The following MCU variants were observed in gnomAD, a reference collection of about 807,000 sequenced individuals.
The protein encoded by MCU is calcium uniporter protein, mitochondrial.
Under a neutral mutation model 45.2 loss-of-function variants are expected in MCU, and 12 were observed. That is an observed-to-expected ratio of 0.27 (90% CI 0.17 to 0.43). MCU has a LOEUF of 0.43. MCU is among the 20% of genes least tolerant of loss of function. MCU has a pLI of 1.00. For missense variants in MCU, 324 were observed against 436.7 expected, an observed-to-expected ratio of 0.74 and a Z score of 2.30; for synonymous variants, 160 against 165.1, an observed-to-expected ratio of 0.97 and a Z score of 0.24.
In MCU at chr10:72,824,372, A is replaced by AT. The variant is rs66765142; in HGVS notation, c.151-9969dup. Among the ~76,000 whole-genome samples the AT allele has an allele frequency of 4.9e-3, 660 of 133,736 alleles. 3 individuals carry two copies. Among genetic ancestry groups the AT allele is most frequent in the East Asian group, 0.012 (42 of 3,536 alleles). The allele number at this position is 133,736 out of a possible 152,430, so 87.7% of individuals were successfully genotyped here. A position where few individuals can be genotyped will look rare whatever the true frequency, so the allele number is the denominator to read the frequency against. ...CCACCACGCCTGGCTAATTTTTTGT[A>AT]TTTTTTTTTTTTTTTTTTGTAGAGA... On this transcript the variant is annotated intron_variant, in intron 1 of 7. Transcript: ENST00000373053.
intron 1 of MCU, among the ~76,000 whole-genome samples, chr10:72,780,738 T>C (rs2132751086): frequency 6.6e-6 from 1 of 152,266 alleles, no homozygotes; most frequent in East Asian, 1.9e-4. Flanking sequence ...AAGGAAAGAC[T>C]TGGAAGAGTG....
intron 4 of MCU, among the ~76,000 whole-genome samples, chr10:72,862,254 T>G (rs1006650041): frequency 1.4e-4 from 21 of 152,188 alleles, no homozygotes; most frequent in Non-Finnish European, 2.8e-4. Context: ...GTGCTGGGAT[T>G]ACAGGCGTGA....
At chr10:72,710,276 A>G (rs1341417345) in intron 1 of MCU, among the ~76,000 whole-genome samples, 1 of 152,126 alleles carries the variant, frequency 6.6e-6, no homozygotes, top group Non-Finnish European at 1.5e-5. Flanking sequence ...GCGCCTGGTT[A>G]ATGGCTTTCT....
At chr10:72,856,585 T>A (rs1382906116) in intron 2 of MCU, among the ~76,000 whole-genome samples, 2 of 152,020 alleles carry the variant, frequency 1.3e-5, no homozygotes, top group Non-Finnish European at 2.9e-5. Flanking sequence ...AGTAGGGATA[T>A]AAATCCTTAG....
chr10:72,843,138 G>T (rs868767209), intron 2 of MCU, among the ~76,000 whole-genome samples: 13 of 152,150 alleles, frequency 8.5e-5, no homozygotes, highest in African/African-American at 3.1e-4. Flanking sequence ...TGATGAGCCT[G>T]CATTGACGCA....
intron 1 of MCU, among the ~76,000 whole-genome samples, chr10:72,754,411 T>G (rs1344202246): frequency 6.6e-6 from 1 of 152,190 alleles, no homozygotes; most frequent in Non-Finnish European, 1.5e-5. Flanking sequence ...TGATCATCAG[T>G]ATTTTCCTCC....
chr10:72,769,375 A>G (rs1405700705), intron 1 of MCU, among the ~76,000 whole-genome samples: 1 of 152,210 alleles, frequency 6.6e-6, no homozygotes, highest in Non-Finnish European at 1.5e-5. Flanking sequence ...AGGTAGATGC[A>G]TCTTGGTTTC....
chr10:72,880,491 A>C (rs546496706), intron 6 of MCU, among the ~76,000 whole-genome samples: 3 of 151,994 alleles, frequency 2.0e-5, no homozygotes, highest in Non-Finnish European at 4.4e-5. Flanking sequence ...GGGGGGGGAA[A>C]CCCTAGAAAT....
chr10:72,757,551 T>TA (rs1214998237), intron 1 of MCU, among the ~76,000 whole-genome samples: 70 of 152,002 alleles, frequency 4.6e-4, no homozygotes, highest in Non-Finnish European at 4.4e-5. Context: ...AGTAGTTTTT[T>TA]AAAAGGCCAT....
intron 6 of MCU, among the ~76,000 whole-genome samples, chr10:72,873,560 T>C (rs1335229462): frequency 5.9e-5 from 9 of 152,208 alleles, no homozygotes. Context: ...GTAGGTTGTC[T>C]CCTCACTCTG....
At chr10:72,766,512 G>GAGCT (rs1843728984) in intron 1 of MCU, 1 of 152,100 alleles carries the variant, frequency 6.6e-6, no homozygotes, top group Non-Finnish European at 1.5e-5. Flanking sequence ...CTGTACCTTA[G>GAGCT]AGCTGCTTGG....
chr10:72,735,962 T>A (rs980832659), intron 1 of MCU, among the ~76,000 whole-genome samples: 1 of 152,236 alleles, frequency 6.6e-6, no homozygotes, highest in Non-Finnish European at 1.5e-5. Context: ...ACTTCTGTAT[T>A]TAATTTTAGT....
intron 1 of MCU, among the ~76,000 whole-genome samples, chr10:72,794,727 C>T (rs1418146285): frequency 1.3e-5 from 2 of 152,202 alleles, no homozygotes; most frequent in East Asian, 1.9e-4. Context: ...TGAGCTCCCT[C>T]TGAGACTACT....
chr10:72,710,162 G>A (rs191395863), intron 1 of MCU, among the ~76,000 whole-genome samples: 12 of 152,158 alleles, frequency 7.9e-5, no homozygotes, highest in Non-Finnish European at 1.5e-5. Flanking sequence ...CTTTTTAGTA[G>A]AGATGGGGTT....
chr10:72,802,965 G>A (rs1055368589), intron 1 of MCU, among the ~76,000 whole-genome samples: 3 of 152,234 alleles, frequency 2.0e-5, no homozygotes, highest in African/African-American at 7.2e-5. Context: ...TGTACCAAAA[G>A]AATTGTATCT....
chr10:72,778,685 T>TA (rs1293485187), intron 1 of MCU, among the ~76,000 whole-genome samples: 2 of 152,264 alleles, frequency 1.3e-5, no homozygotes, highest in East Asian at 1.9e-4. Context: ...CCACAGGCAT[T>TA]AAAAAATATC....
chr10:72,824,150 GGAAGGAAT>G (rs1844756288), intron 1 of MCU, among the ~76,000 whole-genome samples: 1 of 151,702 alleles, frequency 6.6e-6, no homozygotes, highest in Admixed American at 6.6e-5. Flanking sequence ...GATACAATCT[GGAAGGAAT>G]GAAGGAATCT....
intron 1 of MCU, among the ~76,000 whole-genome samples, chr10:72,812,783 G>A (rs1302967681): frequency 6.6e-6 from 1 of 152,146 alleles, no homozygotes. Context: ...ACTGCTTTAT[G>A]TAATGTTTTA....
intron 1 of MCU, among the ~76,000 whole-genome samples, chr10:72,805,844 T>C (rs1844440472): frequency 6.6e-6 from 1 of 152,222 alleles, no homozygotes; most frequent in Non-Finnish European, 1.5e-5. Flanking sequence ...AGAATTTTAA[T>C]TTCATAAGCA....
Sources: allele counts gnomAD v4.1 joint callset (sites outside exome capture counted in the v4.1 genomes callset), GRCh38; gene constraint gnomAD v4.1.1; transcripts MANE v1.5; gene names NCBI Gene and HGNC (gene_info 2026-07-23, HGNC 2026-07-21).